The following C8orf76 variants were observed in gnomAD, a reference collection of about 807,000 sequenced individuals.
The protein encoded by C8orf76 is chromosome 8 open reading frame 76.
In C8orf76, 46 loss-of-function variants were observed where a neutral mutation model predicts 38.1. The observed-to-expected ratio is 1.21, with a 90% CI of 0.95 to 1.54. C8orf76 has a LOEUF of 1.54. C8orf76 is among the 40% of genes most tolerant of loss of function. The pLI is 0.00. For synonymous variants in C8orf76, 166 were observed against 167.5 expected, an observed-to-expected ratio of 0.99 and a Z score of 0.07; for missense variants, 461 against 441.6, an observed-to-expected ratio of 1.04 and a Z score of -0.39.
rs756729105 is a variant in C8orf76, at chr8:123,220,310, GA to G, written c.949-14del. 6.2e-3 allele frequency: 7,615 copies of G among 1,222,558 alleles called. 4 individuals carry two copies. The highest frequency in any genetic ancestry group is 0.013 in the South Asian group (763 of 58,742). 75.7% of individuals were successfully genotyped at this position (1,222,558 alleles called of 1,614,324 possible). A position where few individuals can be genotyped will look rare whatever the true frequency, so the allele number is the denominator to read the frequency against. ...CTTCTCCCATAACCTATAACAGGAG[GA>G]AAAAAAAAAACTGTCCCAATAAAAG... On this transcript the variant is annotated splice_polypyrimidine_tract_variant and intron_variant, in intron 5 of 5. Transcript: ENST00000276704.
chr8:123,229,629 A>T (rs772754218), intron 4 of C8orf76, among the ~76,000 whole-genome samples: 8 of 152,190 alleles, frequency 5.3e-5, no homozygotes, highest in Non-Finnish European at 1.0e-4. Context: ...TGATCCTAGC[A>T]CCAAGCACAT....
At chr8:123,227,191 C>T (rs189736062) in intron 4 of C8orf76, among the ~76,000 whole-genome samples, 179 of 152,216 alleles carry the variant, frequency 1.2e-3, no homozygotes, top group African/African-American at 4.1e-3. Flanking sequence ...CCACTGACTT[C>T]CCTGTCATGA....
At chr8:123,221,130 C>A (rs1824886461) in intron 5 of C8orf76, among the ~76,000 whole-genome samples, 1 of 152,156 alleles carries the variant, frequency 6.6e-6, no homozygotes, top group Non-Finnish European at 1.5e-5. Context: ...GAAGCAGGCT[C>A]AAATAATGGT....
At chr8:123,228,912 T>A (rs1384464327) in intron 4 of C8orf76, among the ~76,000 whole-genome samples, 2 of 152,206 alleles carry the variant, frequency 1.3e-5, no homozygotes, top group Non-Finnish European at 2.9e-5. Flanking sequence ...ATTAAGCAAC[T>A]AGAGAGCAGA....
chr8:123,231,274 C>T (rs754639610), intron 4 of C8orf76, 26 bp downstream of exon 4: 16 of 1,577,456 alleles, frequency 1.0e-5, no homozygotes, highest in African/African-American at 1.4e-5. Flanking sequence ...GATTACCAAG[C>T]GTTGCTTAAG....
At chr8:123,226,736 G>T (rs1825058498) in intron 4 of C8orf76, 104 bp from the exon 5 acceptor site, 1 of 1,459,654 alleles carries the variant, frequency 6.9e-7, no homozygotes, top group African/African-American at 1.4e-5. Context: ...TGAGTCGGCT[G>T]CAAGTCCCAC....
At chr8:123,231,269 C>A in intron 4 of C8orf76, 31 bp downstream of exon 4, 1 of 1,573,188 alleles carries the variant, frequency 6.4e-7, no homozygotes. Flanking sequence ...GAGCTGATTA[C>A]CAAGCGTTGC....
In C8orf76 at chr8:123,241,340, A is replaced by C; in HGVS notation, c.7T>G (p.Ser3Ala). MD[S>A]GCWLFGGEFE... ...TCGCCGCCGAACAACCAGCACCCGG[A>C]ATCCATCTCGCGCCCGCGGCGGGGG... Residue 3 changes from serine (S) to alanine (A), a missense_variant, in exon 1 of 6, where the codon TCC (serine) becomes GCC (alanine). By Grantham distance (99) the Ser-to-Ala change is moderately conservative. Coordinates refer to ENST00000276704, the MANE Select transcript of C8orf76 (RefSeq NM_032847.3). 4 of 1,561,506 alleles carry C rather than the reference A, an allele frequency of 2.6e-6. No individual in the cohort carries two copies. Among genetic ancestry groups the C allele is most frequent in the Non-Finnish European group, 3.4e-6 (4 of 1,161,080 alleles).
At chr8:123,237,963 A>C in intron 2 of C8orf76, 22 bp from the exon 3 acceptor site, 1 of 1,599,038 alleles carries the variant, frequency 6.3e-7, no homozygotes. Flanking sequence ...TTGTTAAATA[A>C]AGAAATGAAA....
chr8:123,232,318 T>C (rs1290966342), intron 3 of C8orf76, among the ~76,000 whole-genome samples: 1 of 152,228 alleles, frequency 6.6e-6, no homozygotes, highest in Non-Finnish European at 1.5e-5. Context: ...CTGGTAACCA[T>C]TACCAAGGTC....
intron 5 of C8orf76, among the ~76,000 whole-genome samples, chr8:123,223,532 T>C (rs1652161337): frequency 6.6e-6 from 1 of 152,098 alleles, no homozygotes; most frequent in Non-Finnish European, 1.5e-5. Context: ...TGCTTGAACC[T>C]GGAAGGCAGA....
intron 5 of C8orf76, 116 bp from the exon 6 acceptor site, chr8:123,220,413 G>A: frequency 1.4e-6 from 1 of 727,656 alleles, no homozygotes; most frequent in Non-Finnish European, 2.2e-6. Flanking sequence ...GCAGCCAGGG[G>A]ACATTCCCAA....
intron 1 of C8orf76, chr8:123,239,801 T>C (rs1825621522): frequency 6.6e-6 from 1 of 151,874 alleles, no homozygotes; most frequent in African/African-American, 2.4e-5. Context: ...CCAGCCTGGC[T>C]AACAACAGTA....
intron 1 of C8orf76, 41 bp downstream of exon 1, chr8:123,241,189 C>T (rs972390769): frequency 1.3e-6 from 2 of 1,533,276 alleles, no homozygotes; most frequent in Non-Finnish European, 8.7e-7. Flanking sequence ...GAGGGCGAGG[C>T]CTGGGGCCCG....
chr8:123,232,199 T>A (rs1004451547), intron 3 of C8orf76, among the ~76,000 whole-genome samples: 3 of 152,228 alleles, frequency 2.0e-5, no homozygotes, highest in Non-Finnish European at 2.9e-5. Flanking sequence ...CCTTGAGGAT[T>A]TGAACAAACT....
intron 5 of C8orf76, among the ~76,000 whole-genome samples, chr8:123,224,685 C>T (rs1241639183): frequency 1.3e-5 from 2 of 152,160 alleles, no homozygotes; most frequent in Non-Finnish European, 2.9e-5. Flanking sequence ...AGACATTTTC[C>T]ATCTTTTTAA....
chr8:123,221,854 A>C (rs898855657), intron 5 of C8orf76, among the ~76,000 whole-genome samples: 13 of 152,278 alleles, frequency 8.5e-5, no homozygotes, highest in African/African-American at 3.1e-4. Flanking sequence ...GGCTGCAGTG[A>C]GCTATGACTG....
intron 3 of C8orf76, 63 bp from the exon 4 acceptor site, chr8:123,231,820 A>G: frequency 6.7e-7 from 1 of 1,498,600 alleles, no homozygotes; most frequent in Non-Finnish European, 8.8e-7. Context: ...ATAAAATGAG[A>G]ATGCCTAAAA....
Position 123,239,078 on chromosome 8 carries a change from C to A in C8orf76, c.184G>T (p.Asp62Tyr), listed in dbSNP as rs1427502569. Residue 62 changes from aspartate (D) to tyrosine (Y), a missense_variant, in exon 2 of 6, where the codon GAC becomes TAC. Coordinates refer to ENST00000276704, the MANE Select transcript of C8orf76 (RefSeq NM_032847.3). ...TACTCTTGTCGTCTGTAGGCCAGGT[C>A]TCCTTTGAATTTCTTGAGAGTCAGC... ...EVLTLKKFKG[D>Y]LAYRRQEYQK... 1.9e-6 allele frequency: 3 copies of A among 1,614,110 alleles called. No homozygotes were observed. The highest frequency in any genetic ancestry group is 3.3e-5 in the Admixed American group (2 of 60,018).
Sources: allele counts gnomAD v4.1 joint callset (sites outside exome capture counted in the v4.1 genomes callset), GRCh38; gene constraint gnomAD v4.1.1; transcripts MANE v1.5; gene names NCBI Gene and HGNC (gene_info 2026-07-23, HGNC 2026-07-21).